SHISA5: variants seen among roughly 807,000 people sequenced by gnomAD.
SHISA5 encodes protein shisa-5.
In SHISA5, 21 loss-of-function variants were observed where a neutral mutation model predicts 27.5. The ratio of observed to expected loss-of-function variants is 0.76; its 90% CI spans 0.54 to 1.10. The LOEUF (loss-of-function observed/expected upper bound fraction) is 1.10, where lower values mean the gene tolerates loss of function less well. SHISA5 is among the 50% of genes least tolerant of loss of function. The pLI is 0.00. For missense variants in SHISA5, 314 were observed against 336.3 expected (o/e 0.93, Z 0.52); for synonymous variants, 137 against 142.2 (o/e 0.96, Z 0.26).
rs2040529673 is a variant in SHISA5 at position 48,469,649 on chromosome 3, C to T, written c.431-76G>A. 1 of 1,597,192 alleles carries T rather than the reference C, an allele frequency of 6.3e-7. No homozygotes were observed. The highest frequency in any genetic ancestry group is 8.5e-7 in the Non-Finnish European group (1 of 1,171,200). ...GAGCCAGGCTTGCCACCCATCCCTC[C>T]AGCTTAGCCAAAGCAGGGCCTGGTC... On this transcript the variant is annotated intron_variant, in intron 4 of 5. Transcript: ENST00000296444. This position sits in a 1 kb window ranked among gnomAD's most constrained non-coding sequence, Gnocchi z 4.6.
chr3:48,471,973 A>G (rs1272262371), intron 3 of SHISA5, among the ~76,000 whole-genome samples: 1 of 151,936 alleles, frequency 6.6e-6, no homozygotes, highest in African/African-American at 2.4e-5. Context: ...GCTTGAGGTC[A>G]GGAGTTCTAG....
chr3:48,477,883 G>C (rs994907968), intron 3 of SHISA5, among the ~76,000 whole-genome samples: 1 of 152,144 alleles, frequency 6.6e-6, no homozygotes, highest in Non-Finnish European at 1.5e-5. Context: ...GGCCTCCAGC[G>C]CCTCTGGCCA....
chr3:48,502,297 C>T (rs994731505), intron 1 of SHISA5: 1 of 440,928 alleles, frequency 2.3e-6, no homozygotes, highest in Non-Finnish European at 4.6e-6. Context: ...AGGCTAGATC[C>T]TGGTCAGAAA....
chr3:48,498,689 G>GAAAAAA (rs11294310), intron 2 of SHISA5, among the ~76,000 whole-genome samples: 8 of 80,606 alleles, frequency 9.9e-5, no homozygotes, highest in African/African-American at 2.5e-4. Context: ...TCTCCAGAAA[G>GAAAAAA]AAAAAAAAAA....
Position 48,468,610 on chromosome 3 carries a change from GCAACGGGTACCCC to G in SHISA5, c.*484_*496del. On this transcript the variant is annotated 3_prime_UTR_variant, in exon 6 of 6. Coordinates refer to ENST00000296444, the MANE Select transcript of SHISA5 (RefSeq NM_016479.6). ...TCGCCTGCATCATGTCCCTGGCTCT[GCAACGGGTACCCC>G]CAACTCCGGGGACGAGCCATGGCCT... The G allele has an allele frequency of 1.7e-6, 2 of 1,195,496 alleles. No homozygotes were observed. Among genetic ancestry groups the G allele is most frequent in the Non-Finnish European group, 2.1e-6 (2 of 945,816 alleles). 74.1% of individuals were successfully genotyped at this position (1,195,496 alleles called of 1,614,324 possible).
Position 48,469,820 on chromosome 3 carries a change from C to G in SHISA5, c.338G>C (p.Gly113Ala). Residue 113 changes from glycine to alanine, a missense_variant, in exon 4 of 6, where the codon GGC becomes GCC. Coordinates refer to ENST00000296444, the MANE Select transcript of SHISA5 (RefSeq NM_016479.6). The surrounding 1 kb of genome is among the most constrained non-coding windows in gnomAD (Gnocchi z 4.6). ...MSGFGATLAV[G>A]LTIFVLSVVT... ...GACAGACAGCACAAAGATGGTCAGG[C>G]CAACGGCCAAGGTCGCTCCGAACCT... The G allele has an allele frequency of 6.2e-7, 1 of 1,614,002 alleles. No homozygotes were observed. Among genetic ancestry groups the G allele is most frequent in the Non-Finnish European group, 8.5e-7 (1 of 1,179,944 alleles).
At chr3:48,475,503 T>C (rs2040793672) in intron 3 of SHISA5, among the ~76,000 whole-genome samples, 1 of 152,012 alleles carries the variant, frequency 6.6e-6, no homozygotes, top group Non-Finnish European at 1.5e-5. Context: ...GGACCTGGGA[T>C]ACCCGCACCC....
At chr3:48,480,990 G>T (rs189150077) in intron 2 of SHISA5, among the ~76,000 whole-genome samples, 1 of 152,028 alleles carries the variant, frequency 6.6e-6, no homozygotes, top group African/African-American at 2.4e-5. Context: ...AGCTACTCTG[G>T]AGTCTGAGGG....
chr3:48,468,344 CA>C lies in SHISA5; in HGVS notation c.*762del. 9.5e-7 allele frequency: 1 copy of C among 1,048,388 alleles called. No individual in the cohort carries two copies. The highest frequency in any genetic ancestry group is 1.2e-6 in the Non-Finnish European group (1 of 867,446). The allele number at this position is 1,048,388 out of a possible 1,614,324, so 64.9% of individuals were successfully genotyped here. ...TCACCTGTGGGAAGGGCAGGGCCAG[CA>C]AGGGCAGCAGAGCTCCCTGGGGGCA... On this transcript the variant is annotated 3_prime_UTR_variant, in exon 6 of 6. Transcript: ENST00000296444.
intron 2 of SHISA5, among the ~76,000 whole-genome samples, chr3:48,496,583 A>T (rs1008061065): frequency 1.3e-5 from 2 of 150,306 alleles, no homozygotes; most frequent in African/African-American, 4.9e-5. Flanking sequence ...ATACAAAAAA[A>T]TTTAGCTGGG....
chr3:48,501,361 C>G (rs1575335615), intron 1 of SHISA5, 68 bp from the exon 2 acceptor site: 19 of 1,538,934 alleles, frequency 1.2e-5, no homozygotes, highest in Non-Finnish European at 1.6e-5. Flanking sequence ...CAGCGCCCTC[C>G]CTGGCACAGC....
chr3:48,504,471 C>A, upstream of SHISA5: 1 of 187,330 alleles, frequency 5.3e-6, no homozygotes, highest in Non-Finnish European at 1.1e-5. This position sits in a 1 kb window ranked among gnomAD's most constrained non-coding sequence, Gnocchi z 4.0. Flanking sequence ...GCCTGGAGGG[C>A]GTCCCCGGGA....
intron 2 of SHISA5, among the ~76,000 whole-genome samples, chr3:48,484,177 T>C (rs1462071205): frequency 2.0e-5 from 3 of 152,220 alleles, no homozygotes; most frequent in African/African-American, 4.8e-5. Flanking sequence ...TCTCTCTGCT[T>C]TTGTACTTAT....
Position 48,469,165 on chromosome 3 carries a change from G to T in SHISA5, c.665C>A (p.Pro222His), listed in dbSNP as rs2040488945. Residue 222 changes from proline (P) to histidine (H), a missense_variant, in exon 6 of 6, where the codon CCC (proline) becomes CAC (histidine). Coordinates refer to ENST00000296444, the MANE Select transcript of SHISA5 (RefSeq NM_016479.6). This position sits in a 1 kb window ranked among gnomAD's most constrained non-coding sequence, Gnocchi z 4.6. The part of the protein sequence containing the change: ...TLAGGAAAPY[P>H]ASQPPYNPAY... ...CGGGTTGTAAGGAGGCTGGCTGGCG[G>T]GGTAGGGCGCGGCTGCTCCTCCTGA... The T allele has an allele frequency of 1.9e-6, 3 of 1,612,652 alleles. No homozygotes were observed. The highest frequency in any genetic ancestry group is 2.5e-6 in the Non-Finnish European group (3 of 1,180,000).
At position 48,473,194 on chromosome 3, in the gene SHISA5, A is replaced by G; in HGVS notation, c.315-3351T>C. ...CCCCGTTCCACCCTCTTAAAGACACAGGATGGCCCCGCCCAGCAGCCGGCT... is the reference window on the plus strand; with the variant it reads ...CCCCGTTCCACCCTCTTAAAGACACGGGATGGCCCCGCCCAGCAGCCGGCT... On this transcript the variant is annotated intron_variant, in intron 3 of 5. Transcript: ENST00000296444. This position sits in a 1 kb window ranked among gnomAD's most constrained non-coding sequence, Gnocchi z 4.3. The G allele has an allele frequency of 7.0e-7, 1 of 1,428,660 alleles. No homozygotes were observed. Among genetic ancestry groups the G allele is most frequent in the Non-Finnish European group, 9.1e-7 (1 of 1,094,564 alleles). 88.5% of individuals were successfully genotyped at this position (1,428,660 alleles called of 1,614,324 possible).
chr3:48,486,402 A>ATATAATATATATTATATATTATATATTT (rs2041236866), intron 2 of SHISA5, among the ~76,000 whole-genome samples: 3 of 85,826 alleles, frequency 3.5e-5, no homozygotes, highest in Admixed American at 2.0e-4. Context: ...AATGTATAAT[A>ATATAATATATATTATATATTATATATTT]TATAATATAT....
intron 3 of SHISA5, among the ~76,000 whole-genome samples, chr3:48,475,040 T>C (rs2040772660): frequency 6.6e-6 from 1 of 152,156 alleles, no homozygotes; most frequent in African/African-American, 2.4e-5. Flanking sequence ...CTTTGTACCA[T>C]TATCATCCAA....
intron 2 of SHISA5, among the ~76,000 whole-genome samples, chr3:48,496,812 A>G (rs1033538873): frequency 6.6e-6 from 1 of 151,980 alleles, no homozygotes; most frequent in African/African-American, 2.4e-5. Context: ...TGAAACATAT[A>G]TAAGACTTTG....
chr3:48,467,903 A>G lies in SHISA5; in HGVS notation c.*1204T>C, dbSNP rs1196271809. 8 of 452,278 alleles carry G rather than the reference A, an allele frequency of 1.8e-5. No homozygotes were observed. The South Asian group carries it at 2.1e-4, about 12-fold the overall frequency. The allele number at this position is 452,278 out of a possible 1,614,324, so 28.0% of individuals were successfully genotyped here. A position where few individuals can be genotyped will look rare whatever the true frequency, so the allele number is the denominator to read the frequency against. Reference sequence around the variant, plus strand: ...CAAACGATTGCATTTATTATAAACAAGTGTACAGACCCTAGACTCAGAAAC... The same window carrying G: ...CAAACGATTGCATTTATTATAAACAGGTGTACAGACCCTAGACTCAGAAAC... On this transcript the variant is annotated 3_prime_UTR_variant, in exon 6 of 6. Coordinates refer to ENST00000296444, the MANE Select transcript of SHISA5 (RefSeq NM_016479.6).
Sources: allele counts gnomAD v4.1 joint callset (sites outside exome capture counted in the v4.1 genomes callset), GRCh38; gene constraint gnomAD v4.1.1; non-coding constraint Gnocchi (gnomAD v3.1); transcripts MANE v1.5; gene names NCBI Gene and HGNC (gene_info 2026-07-23, HGNC 2026-07-21).